CD48: variants seen among roughly 807,000 people sequenced by gnomAD.
The protein encoded by CD48 is CD48 molecule, also known as CD48 antigen.
A neutral mutation model predicts 22.0 loss-of-function variants in CD48; 20 were observed. That is an observed-to-expected ratio of 0.91 (90% CI 0.64 to 1.32). The LOEUF (loss-of-function observed/expected upper bound fraction) is 1.32, where lower values mean the gene tolerates loss of function less well. Among genes scored for constraint, CD48 ranks in the 40% most tolerant of loss-of-function variants. The pLI is 0.00. For synonymous variants in CD48, 110 were observed against 110.1 expected, an observed-to-expected ratio of 1.00 and a Z score of 0.01; for missense variants, 307 against 286.5, an observed-to-expected ratio of 1.07 and a Z score of -0.52.
In CD48 at chr1:160,678,823, G is replaced by A; in HGVS notation, c.*229C>T. ...TTCACATAATGTTGTCACAATTTTGGGTGGGAAAAAAGCATGTGTATCTCT... is the reference window on the plus strand; with the variant it reads ...TTCACATAATGTTGTCACAATTTTGAGTGGGAAAAAAGCATGTGTATCTCT... On this transcript the variant is annotated 3_prime_UTR_variant, in exon 4 of 4. Coordinates refer to ENST00000368046, the MANE Select transcript of CD48 (RefSeq NM_001778.4). The A allele has an allele frequency of 2.5e-6, 1 of 401,184 alleles. No individual in the cohort carries two copies. Among genetic ancestry groups the A allele is most frequent in the South Asian group, 6.3e-5 (1 of 15,906 alleles). 24.9% of individuals were successfully genotyped at this position (401,184 alleles called of 1,614,324 possible). A position where few individuals can be genotyped will look rare whatever the true frequency, so the allele number is the denominator to read the frequency against.
intron 1 of CD48, among the ~76,000 whole-genome samples, chr1:160,697,203 C>T (rs141935958): frequency 8.7e-4 from 129 of 148,330 alleles, no homozygotes; most frequent in African/African-American, 3.0e-3. Flanking sequence ...AAGCTGATAA[C>T]GTGGGGGAGA....
At chr1:160,710,448 T>C (rs1662914092) in intron 1 of CD48, among the ~76,000 whole-genome samples, 1 of 152,118 alleles carries the variant, frequency 6.6e-6, no homozygotes, top group African/African-American at 2.4e-5. Flanking sequence ...TATTATCCAT[T>C]CAAAGGATAA....
At chr1:160,710,769 G>T (rs1018659956) in intron 1 of CD48, among the ~76,000 whole-genome samples, 1 of 152,114 alleles carries the variant, frequency 6.6e-6, no homozygotes, top group Non-Finnish European at 1.5e-5. Context: ...GTGAGAGACC[G>T]ATCCTCCACA....
rs1334571249 is a variant in CD48, at chr1:160,710,008, A to C, written c.82+1674T>G. On this transcript the variant is annotated intron_variant, in intron 1 of 3. Coordinates refer to ENST00000368046, the MANE Select transcript of CD48 (RefSeq NM_001778.4). The stretch of plus-strand genomic sequence containing the variant: ...AGAAGTCACATAAAAACAGAAGCCT[A>C]AAAGAGAGGCAGGGAGAGGGCAGGA... Among the ~76,000 whole-genome samples the C allele has an allele frequency of 2.6e-5, 4 of 152,188 alleles. No homozygotes were observed. In the East Asian group the frequency reaches 7.7e-4, roughly 29 times the overall value.
In CD48 at chr1:160,691,800, G is replaced by A. The variant is rs1385144429; in HGVS notation, c.83-6611C>T. 7 of 338,080 alleles carry A rather than the reference G, an allele frequency of 2.1e-5. No individual in the cohort carries two copies. In the South Asian group the frequency reaches 7.2e-4, roughly 35 times the overall value. The allele number at this position is 338,080 out of a possible 1,614,324, so 20.9% of individuals were successfully genotyped here. A position where few individuals can be genotyped will look rare whatever the true frequency, so the allele number is the denominator to read the frequency against. The stretch of plus-strand genomic sequence containing the variant: ...TTTTCTCTGGGGTGAAGGTACACTC[G>A]AGCGTGGTCATTGAGGACAAGTCGA... On this transcript the variant is annotated intron_variant, in intron 1 of 3. Transcript: ENST00000368046.
chr1:160,686,700 T>C (rs1662011498), intron 1 of CD48: 1 of 152,148 alleles, frequency 6.6e-6, no homozygotes, highest in Non-Finnish European at 1.5e-5. Flanking sequence ...GTCGGTAGGT[T>C]CCGTGATGCC....
intron 1 of CD48, among the ~76,000 whole-genome samples, chr1:160,706,698 A>G (rs987106722): frequency 1.3e-5 from 2 of 152,174 alleles, no homozygotes; most frequent in African/African-American, 4.8e-5. Context: ...TTACTTTCTT[A>G]ATGAACTCGC....
Position 160,685,245 on chromosome 1 carries a change from G to T in CD48, c.83-56C>A. 8 of 1,367,620 alleles carry T rather than the reference G, an allele frequency of 5.8e-6. No individual in the cohort carries two copies. The South Asian group carries it at 8.0e-5, about 14-fold the overall frequency. 84.7% of individuals were successfully genotyped at this position (1,367,620 alleles called of 1,614,324 possible). ...CTAGAGGAGGCAGTGTTGCTGACAG[G>T]CCCAGGGTATAGCCTGGGCTGGTGG... On this transcript the variant is annotated intron_variant, in intron 1 of 3. Coordinates refer to ENST00000368046, the MANE Select transcript of CD48 (RefSeq NM_001778.4).
intron 1 of CD48, among the ~76,000 whole-genome samples, chr1:160,690,929 C>T (rs568855600): frequency 7.7e-4 from 118 of 152,304 alleles, no homozygotes; most frequent in African/African-American, 2.7e-3. Context: ...CAACCCCGTG[C>T]TCTCTGAAAC....
At chr1:160,701,349 G>C (rs1159485988) in intron 1 of CD48, among the ~76,000 whole-genome samples, 2 of 151,920 alleles carry the variant, frequency 1.3e-5, no homozygotes, top group Non-Finnish European at 1.5e-5. Context: ...TAAGGGGAAA[G>C]AGAATGTTCC....
intron 2 of CD48, among the ~76,000 whole-genome samples, chr1:160,682,878 C>T (rs1264459672): frequency 6.6e-6 from 1 of 152,214 alleles, no homozygotes; most frequent in Non-Finnish European, 1.5e-5. Flanking sequence ...GAGATCTTTT[C>T]ATTCTGGTCA....
At chr1:160,700,307 A>C (rs370103539) in intron 1 of CD48, among the ~76,000 whole-genome samples, 18 of 152,216 alleles carry the variant, frequency 1.2e-4, no homozygotes, top group Admixed American at 8.5e-4. Context: ...TGAATTTGCC[A>C]CAGTACAGAA....
chr1:160,693,815 TG>T (rs895912636), intron 1 of CD48, among the ~76,000 whole-genome samples: 2 of 152,286 alleles, frequency 1.3e-5, no homozygotes, highest in Non-Finnish European at 2.9e-5. Flanking sequence ...TGCAACAAAC[TG>T]GGGCATTCCC....
At chr1:160,683,016 G>T (rs1251553397) in intron 2 of CD48, among the ~76,000 whole-genome samples, 1 of 152,168 alleles carries the variant, frequency 6.6e-6, no homozygotes, top group Middle Eastern at 3.2e-3. Flanking sequence ...CTACCAATCT[G>T]GTCTCTAGAA....
In CD48 at chr1:160,678,934, A is replaced by G; in HGVS notation, c.*118T>C. 2 of 711,330 alleles carry G rather than the reference A, an allele frequency of 2.8e-6. No individual in the cohort carries two copies. Among genetic ancestry groups the G allele is most frequent in the South Asian group, 1.7e-5 (1 of 60,324 alleles). The allele number at this position is 711,330 out of a possible 1,614,324, so 44.1% of individuals were successfully genotyped here. On this transcript the variant is annotated 3_prime_UTR_variant, in exon 4 of 4. Transcript: ENST00000368046. ...AAAGTTAACTTGAAAATCCTCGTTGATAATTCAGCAGCATGCTTCTGGTCA... is the reference window on the plus strand; with the variant it reads ...AAAGTTAACTTGAAAATCCTCGTTGGTAATTCAGCAGCATGCTTCTGGTCA...
chr1:160,684,953 A>G lies in CD48; in HGVS notation c.319T>C (p.Tyr107His). The G allele has an allele frequency of 6.2e-7, 1 of 1,614,172 alleles. No homozygotes were observed. The highest frequency in any genetic ancestry group is 8.5e-7 in the Non-Finnish European group (1 of 1,180,028). The change falls in exon 2 of 4, where the codon TAC becomes CAC. Residue 107 changes from tyrosine (Y) to histidine (H), a missense_variant. Transcript: ENST00000368046. ...SKVQKEDNST[Y>H]IMRVLKKTGN... ...GTCTTTTTCAACACCCTCATGATGT[A>G]GGTGCTGTTGTCCTCTTTCTGGACC...
rs372435909 is a variant in CD48 at position 160,679,107 on chromosome 1, A to C, written c.677T>G (p.Ile226Ser). The change falls in exon 4 of 4, where the codon ATT becomes AGT. Residue 226 changes from isoleucine to serine, a missense_variant. By Grantham distance (142) the Ile-to-Ser change is moderately radical. Transcript: ENST00000368046. Reference sequence around the variant, plus strand: ...CACCGTGACCACTAGCCAACTTGCAATCCATTCTACTCCAAAGGACCGGGC... The same window carrying C: ...CACCGTGACCACTAGCCAACTTGCACTCCATTCTACTCCAAAGGACCGGGC... ...TLARSFGVEW[I>S]ASWLVVTVPT... 19 of 1,614,050 alleles carry C rather than the reference A, an allele frequency of 1.2e-5. No individual in the cohort carries two copies. The African/African-American group carries it at 1.7e-4, about 15-fold the overall frequency.
At chr1:160,710,626 T>A (rs930879482) in intron 1 of CD48, among the ~76,000 whole-genome samples, 1 of 152,198 alleles carries the variant, frequency 6.6e-6, no homozygotes, top group Non-Finnish European at 1.5e-5. Context: ...AATAGTTAGA[T>A]GAATACTTCA....
rs1367537686 is a variant in CD48 at position 160,706,083 on chromosome 1, A to G, written c.82+5599T>C. Among the ~76,000 whole-genome samples, 3 of 152,020 alleles carry G rather than the reference A, an allele frequency of 2.0e-5. No individual in the cohort carries two copies. In the East Asian group the frequency reaches 5.8e-4, roughly 29 times the overall value. On this transcript the variant is annotated intron_variant, in intron 1 of 3. Transcript: ENST00000368046. ...CACCAGACAGATCACTTATATATAT[A>G]TAATTTTTTTTATGGAGTTTCACTT...
Sources: allele counts gnomAD v4.1 joint callset (sites outside exome capture counted in the v4.1 genomes callset), GRCh38; gene constraint gnomAD v4.1.1; transcripts MANE v1.5; gene names NCBI Gene and HGNC (gene_info 2026-07-23, HGNC 2026-07-21).